LRP1B: variants seen among roughly 807,000 people sequenced by gnomAD.
LRP1B encodes low-density lipoprotein receptor-related protein 1B.
LRP1B carries 217 observed loss-of-function variants against 556.6 expected under a neutral mutation model. The ratio of observed to expected loss-of-function variants is 0.39; its 90% CI spans 0.35 to 0.44. LRP1B has a LOEUF of 0.44. Among genes scored for constraint, LRP1B ranks in the 20% least tolerant of loss-of-function variants. The pLI, the probability that LRP1B is intolerant of heterozygous loss-of-function variation, is 1.00. For synonymous variants in LRP1B, 2,047 were observed against 1,865.8 expected (o/e 1.10, Z -2.50); for missense variants, 5,053 against 5,620.8 (o/e 0.90, Z 3.23).
intron 1 of LRP1B, among the ~76,000 whole-genome samples, chr2:142,082,154 CTTTTCAAGAAA>C (rs1705742602): frequency 6.6e-6 from 1 of 152,078 alleles, no homozygotes; most frequent in Admixed American, 6.6e-5. Flanking sequence ...TCAATAAGCA[CTTTTCAAGAAA>C]TATTGAAGAA....
intron 47 of LRP1B, among the ~76,000 whole-genome samples, chr2:140,532,085 C>G (rs1369999812): frequency 6.6e-6 from 1 of 152,104 alleles, no homozygotes; most frequent in African/African-American, 2.4e-5. Flanking sequence ...CTCTACCTAT[C>G]TACATGCCTG....
chr2:140,840,950 C>T lies in LRP1B; in HGVS notation c.5082G>A (p.Lys1694=), dbSNP rs1692085004. ...CTGGGTGAGCTGCAAGACACTGTGG[C>T]TTATCGATTCCATGGATAATTGAGG... The part of the protein sequence containing the change: ...LKTSIIHGID[K]PQCLAAHPVR... Residue 1694 remains lysine (K), a synonymous_variant, in exon 30 of 91, where the codon AAG becomes AAA. Transcript: ENST00000389484. 6.2e-7 allele frequency: 1 copy of T among 1,613,066 alleles called. No individual in the cohort carries two copies. The highest frequency in any genetic ancestry group is 8.5e-7 in the Non-Finnish European group (1 of 1,179,470).
At chr2:140,518,517 C>T (rs141390184) in intron 49 of LRP1B, among the ~76,000 whole-genome samples, 191 of 152,106 alleles carry the variant, frequency 1.3e-3, no homozygotes, top group African/African-American at 4.1e-3. Flanking sequence ...ATATGCTGAC[C>T]TCAAGATAAT....
chr2:141,285,386 C>T (rs1196171739), intron 3 of LRP1B, among the ~76,000 whole-genome samples: 1 of 151,232 alleles, frequency 6.6e-6, no homozygotes, highest in Non-Finnish European at 1.5e-5. Flanking sequence ...CACGCCTGGC[C>T]TCTTTTCCTT....
intron 82 of LRP1B, among the ~76,000 whole-genome samples, chr2:140,318,021 C>T (rs753035020): frequency 6.6e-6 from 1 of 152,060 alleles, no homozygotes; most frequent in Non-Finnish European, 1.5e-5. Context: ...AGCAGGTGAA[C>T]ACTTCCCCAA....
chr2:140,926,770 T>C (rs1346480941), intron 20 of LRP1B, among the ~76,000 whole-genome samples: 1 of 152,192 alleles, frequency 6.6e-6, no homozygotes, highest in African/African-American at 2.4e-5. Flanking sequence ...ATGATGCTTT[T>C]TATTGATGTG....
chr2:141,626,232 C>T (rs1466788764), intron 2 of LRP1B, among the ~76,000 whole-genome samples: 1 of 152,170 alleles, frequency 6.6e-6, no homozygotes, highest in Non-Finnish European at 1.5e-5. Context: ...TTTTCAACAA[C>T]TGATGCTGGA....
rs199775762 is a variant in LRP1B, at chr2:140,989,548, G to A, written c.2754C>T (p.Ser918=). ...AACCTTTACCTGTGCAAGTTTGATTGGATTCATCTTCATTGCTCCCACAGT... is the reference window on the plus strand; with the variant it reads ...AACCTTTACCTGTGCAAGTTTGATTAGATTCATCTTCATTGCTCCCACAGT... ...ANDCGSNEDE[S]NQTCTARTCQ... Residue 918 remains serine (S), a synonymous_variant, in exon 17 of 91, where the codon TCC becomes TCT. Coordinates refer to ENST00000389484, the MANE Select transcript of LRP1B (RefSeq NM_018557.3). The A allele has an allele frequency of 6.2e-7, 1 of 1,613,116 alleles. No individual in the cohort carries two copies. The highest frequency in any genetic ancestry group is 2.2e-5 in the East Asian group (1 of 44,810).
At chr2:140,242,270 C>G (rs573613842) in intron 87 of LRP1B, among the ~76,000 whole-genome samples, 25 of 151,086 alleles carry the variant, frequency 1.7e-4, no homozygotes, top group Non-Finnish European at 3.3e-4. Context: ...TCAGAAAATA[C>G]TACATACATG....
chr2:142,130,709 G>A lies in LRP1B; in HGVS notation c.21C>T (p.Ala7=), dbSNP rs985008271. Residue 7 remains alanine, a synonymous_variant, in exon 1 of 91, where the codon GCC becomes GCT. Coordinates refer to ENST00000389484, the MANE Select transcript of LRP1B (RefSeq NM_018557.3). ...GCAATAATCCCGAGAGAGTGAGTAA[G>A]GCGAGGAGAAACTCGGACATTGTGG... is the stretch of plus-strand genomic sequence containing the variant. The part of the protein sequence containing the change: MSEFLL[A]LLTLSGLLPI... 17 of 1,613,214 alleles carry A rather than the reference G, an allele frequency of 1.1e-5. No homozygotes were observed. Among genetic ancestry groups the A allele is most frequent in the Non-Finnish European group, 1.3e-5 (15 of 1,179,670 alleles).
chr2:141,227,972 G>C (rs144798468), intron 6 of LRP1B, among the ~76,000 whole-genome samples: 13 of 152,106 alleles, frequency 8.5e-5, no homozygotes, highest in African/African-American at 2.9e-4. Flanking sequence ...TGTCACCCAG[G>C]TTGGAGTGCA....
At chr2:141,822,130 C>CACACAGAGAGAGAGAGAG (rs374369026) in intron 1 of LRP1B, among the ~76,000 whole-genome samples, 4 of 95,892 alleles carry the variant, frequency 4.2e-5, no homozygotes, top group African/African-American at 1.3e-4. Context: ...CACACACACA[C>CACACAGAGAGAGAGAGAG]AGAGAGAGAG....
At chr2:140,726,823 C>CT (rs1687611016) in intron 35 of LRP1B, among the ~76,000 whole-genome samples, 1 of 151,866 alleles carries the variant, frequency 6.6e-6, no homozygotes, top group Admixed American at 6.6e-5. Flanking sequence ...TTTTTTCCTT[C>CT]TTTTTCTCTT....
chr2:140,265,036 T>C (rs1682136092), intron 86 of LRP1B, among the ~76,000 whole-genome samples: 1 of 152,102 alleles, frequency 6.6e-6, no homozygotes, highest in South Asian at 2.1e-4. Context: ...ATTACATTTC[T>C]TTATTTTGAG....
In LRP1B at chr2:140,797,276, C is replaced by T. The variant is rs557278283; in HGVS notation, c.5359+16381G>A. Among the ~76,000 whole-genome samples the T allele has an allele frequency of 5.9e-5, 9 of 152,022 alleles. No individual in the cohort carries two copies. In the East Asian group the frequency reaches 1.5e-3, roughly 26 times the overall value. ...TCTTCTTTTAAAGAAGGTAAGTTAC[C>T]AATTTCTCCACAGCTAGATAATTTT... On this transcript the variant is annotated intron_variant, in intron 32 of 90. Transcript: ENST00000389484.
chr2:140,263,212 C>A (rs978276151), intron 86 of LRP1B, among the ~76,000 whole-genome samples: 1 of 152,106 alleles, frequency 6.6e-6, no homozygotes, highest in Non-Finnish European at 1.5e-5. Flanking sequence ...AGCCACCACG[C>A]CTGGTCTGAA....
At chr2:141,914,507 A>G (rs1439728856) in intron 1 of LRP1B, among the ~76,000 whole-genome samples, 1 of 152,218 alleles carries the variant, frequency 6.6e-6, no homozygotes, top group East Asian at 1.9e-4. Flanking sequence ...CGTCAGATAA[A>G]TCAGGAAAGA....
chr2:141,303,745 C>T (rs1184765677), intron 3 of LRP1B, among the ~76,000 whole-genome samples: 1 of 152,062 alleles, frequency 6.6e-6, no homozygotes, highest in Non-Finnish European at 1.5e-5. Flanking sequence ...GCAGGTATCC[C>T]TTTGATGTAT....
chr2:140,526,412 T>A, intron 47 of LRP1B, 62 bp from the exon 48 acceptor site: 1 of 1,019,612 alleles, frequency 9.8e-7, no homozygotes, highest in Non-Finnish European at 1.5e-6. Flanking sequence ...TGCTTTTACA[T>A]TTTGAATATT....
Sources: gnomAD v4.1 joint callset for allele counts (sites outside exome capture counted in the v4.1 genomes callset) on GRCh38, gnomAD v4.1.1 for gene constraint, MANE v1.5 for transcripts, NCBI Gene and HGNC (gene_info 2026-07-23, HGNC 2026-07-21) for gene names.